Variants in ANKRD30BL observed in about 807,000 individuals in gnomAD.
ANKRD30BL encodes putative ankyrin repeat domain-containing protein 30B-like.
Under a neutral mutation model 18.4 loss-of-function variants are expected in ANKRD30BL, and 20 were observed. That is an observed-to-expected ratio of 1.09 (90% CI 0.77 to 1.58). ANKRD30BL has a LOEUF of 1.58. ANKRD30BL is among the 40% of genes most tolerant of loss of function. The pLI, the probability that ANKRD30BL is intolerant of heterozygous loss-of-function variation, is 0.00. For missense variants in ANKRD30BL, 224 were observed against 268.6 expected (o/e 0.83, Z 1.16); for synonymous variants, 72 against 100.9 (o/e 0.71, Z 1.72).
chr2:132,209,031 C>G (rs1457031888), intron 1 of ANKRD30BL, among the ~76,000 whole-genome samples: 1 of 152,160 alleles, frequency 6.6e-6, no homozygotes, highest in Non-Finnish European at 1.5e-5. Context: ...CAGACAGAAG[C>G]ATTCTGAGAA....
At chr2:132,160,165 G>C (rs1420008127) in intron 1 of ANKRD30BL, among the ~76,000 whole-genome samples, 1 of 152,014 alleles carries the variant, frequency 6.6e-6, no homozygotes, top group Non-Finnish European at 1.5e-5. Context: ...GCAGTGATGG[G>C]ATCTCAGCTC....
chr2:132,193,147 C>T (rs1678893151), intron 1 of ANKRD30BL, among the ~76,000 whole-genome samples: 1 of 152,200 alleles, frequency 6.6e-6, no homozygotes. Flanking sequence ...AGCTGCCAGC[C>T]TTGGAGATTG....
At chr2:132,245,362 A>C (rs1680467709) in intron 1 of ANKRD30BL, among the ~76,000 whole-genome samples, 2 of 150,266 alleles carry the variant, frequency 1.3e-5, no homozygotes, top group Non-Finnish European at 3.0e-5. Flanking sequence ...TTTATACAGC[A>C]GATTGGAAAC....
At position 132,257,111 on chromosome 2, in the gene ANKRD30BL, C is replaced by T. The variant is rs547557704; in HGVS notation, n.441+418G>A. On this transcript the variant is annotated intron_variant and non_coding_transcript_variant, in intron 1 of 4. Transcript: ENST00000470729. Reference sequence around the variant, plus strand: ...GACCCGCCTCATGAGCCCCAGGTCCCGCCATCAGGACCCCGAGGTGACCTC... The same window carrying T: ...GACCCGCCTCATGAGCCCCAGGTCCTGCCATCAGGACCCCGAGGTGACCTC... The T allele has an allele frequency of 7.1e-4, 340 of 481,066 alleles. 1 individual carries two copies. Among genetic ancestry groups the T allele is most frequent in the African/African-American group, 5.8e-3 (294 of 50,896 alleles). The allele number at this position is 481,066 out of a possible 1,614,324, so 29.8% of individuals were successfully genotyped here. A position where few individuals can be genotyped will look rare whatever the true frequency, so the allele number is the denominator to read the frequency against.
chr2:132,150,066 C>A (rs1687715810), intron 5 of ANKRD30BL, among the ~76,000 whole-genome samples: 1 of 152,012 alleles, frequency 6.6e-6, no homozygotes, highest in Admixed American at 6.6e-5. Context: ...AGATTTTCAG[C>A]TGCATGGGGG....
intron 1 of ANKRD30BL, among the ~76,000 whole-genome samples, chr2:132,186,008 G>A (rs1390407728): frequency 1.3e-5 from 2 of 151,834 alleles, no homozygotes; most frequent in African/African-American, 2.4e-5. Context: ...AGGCGTGGTG[G>A]CATGCTACTC....
chr2:132,199,505 CT>C (rs772947698), intron 1 of ANKRD30BL, among the ~76,000 whole-genome samples: 20 of 148,564 alleles, frequency 1.3e-4, no homozygotes, highest in South Asian at 4.2e-4. Context: ...CTTTTCTTTT[CT>C]TTTTTTTTTA....
chr2:132,236,842 A>G (rs957411895), intron 1 of ANKRD30BL, among the ~76,000 whole-genome samples: 5 of 151,880 alleles, frequency 3.3e-5, no homozygotes, highest in Non-Finnish European at 7.4e-5. Context: ...TTATTGTGGC[A>G]CTATTCACAA....
chr2:132,257,610 G>A (rs1680899931), exon 1 of ANKRD30BL: 1 of 177,078 alleles, frequency 5.6e-6, no homozygotes, highest in Admixed American at 6.1e-5. Context: ...AGAGGCGGCA[G>A]GCCGGGGGAT....
chr2:132,213,663 C>G (rs1486572773), intron 1 of ANKRD30BL, among the ~76,000 whole-genome samples: 3 of 152,242 alleles, frequency 2.0e-5, no homozygotes, highest in African/African-American at 4.8e-5. Context: ...AAAAACTAGA[C>G]AGAAGCATTC....
intron 1 of ANKRD30BL, among the ~76,000 whole-genome samples, chr2:132,228,057 G>A (rs1406030341): frequency 5.9e-5 from 9 of 151,990 alleles, no homozygotes; most frequent in African/African-American, 2.4e-5. Context: ...GACATTTGGA[G>A]CACTTTTAGG....
At chr2:132,209,442 A>C (rs1430949097) in intron 1 of ANKRD30BL, among the ~76,000 whole-genome samples, 1 of 152,064 alleles carries the variant, frequency 6.6e-6, no homozygotes, top group African/African-American at 2.4e-5. Flanking sequence ...GCAGCTTTGA[A>C]ACACTCTTTT....
At chr2:132,255,280 C>T (rs546410314) in intron 1 of ANKRD30BL, among the ~76,000 whole-genome samples, 3 of 152,272 alleles carry the variant, frequency 2.0e-5, no homozygotes, top group Admixed American at 6.5e-5. Context: ...TGCCCCCGGC[C>T]GTCCCTCTTA....
chr2:132,229,638 C>A (rs868290279), intron 1 of ANKRD30BL, among the ~76,000 whole-genome samples: 2 of 152,064 alleles, frequency 1.3e-5, no homozygotes, highest in Middle Eastern at 3.4e-3. Flanking sequence ...AAACACTAGA[C>A]AGAAGCATTC....
chr2:132,253,525 CAGAGCGGGGT>C (rs1288067213), intron 1 of ANKRD30BL, among the ~76,000 whole-genome samples: 2 of 152,146 alleles, frequency 1.3e-5, no homozygotes, highest in Non-Finnish European at 2.9e-5. Flanking sequence ...CCCGCCCCCA[CAGAGCGGGGT>C]ACAGGCCACA....
intron 1 of ANKRD30BL, among the ~76,000 whole-genome samples, chr2:132,217,784 A>C (rs1466061854): frequency 4.6e-5 from 7 of 152,280 alleles, no homozygotes; most frequent in African/African-American, 1.7e-4. Context: ...TCTTCACATA[A>C]ACTCTAGACA....
At chr2:132,177,223 G>A (rs181390798) in intron 1 of ANKRD30BL, among the ~76,000 whole-genome samples, 15 of 151,378 alleles carry the variant, frequency 9.9e-5, no homozygotes, top group East Asian at 3.9e-4. Context: ...GCACTTCCTC[G>A]TCTCACTGCA....
At chr2:132,167,391 C>T (rs1438659670) in intron 1 of ANKRD30BL, among the ~76,000 whole-genome samples, 1 of 151,086 alleles carries the variant, frequency 6.6e-6, no homozygotes, top group Non-Finnish European at 1.5e-5. Context: ...CAGTGGTAGT[C>T]TTGGCACAAT....
chr2:132,231,912 C>A (rs993719359), intron 1 of ANKRD30BL, among the ~76,000 whole-genome samples: 1 of 152,190 alleles, frequency 6.6e-6, no homozygotes, highest in African/African-American at 2.4e-5. Context: ...AAAGCAGTAA[C>A]CTCTGCAGAC....
Sources: gnomAD v4.1 joint callset for allele counts (sites outside exome capture counted in the v4.1 genomes callset) on GRCh38, gnomAD v4.1.1 for gene constraint, MANE v1.5 for transcripts, NCBI Gene and HGNC (gene_info 2026-07-23, HGNC 2026-07-21) for gene names.